The following APBB1 variants were observed in gnomAD, a reference collection of about 807,000 sequenced individuals.
APBB1 encodes adaptor protein FE65a2.
Under a neutral mutation model 78.4 loss-of-function variants are expected in APBB1, and 22 were observed. The ratio of observed to expected loss-of-function variants is 0.28; its 90% CI spans 0.20 to 0.40. APBB1 has a LOEUF of 0.40. APBB1 is among the 10% of genes least tolerant of loss of function. The pLI, the probability that APBB1 is intolerant of heterozygous loss-of-function variation, is 1.00. For missense variants in APBB1, 749 were observed against 932.4 expected (o/e 0.80, Z 2.56); for synonymous variants, 369 against 372.7 (o/e 0.99, Z 0.12).
At chr11:6,397,443 G>A (rs2134040893) in intron 12 of APBB1, among the ~76,000 whole-genome samples, 1 of 152,354 alleles carries the variant, frequency 6.6e-6, no homozygotes, top group East Asian at 1.9e-4. Flanking sequence ...GATGATTTGT[G>A]TAGCATTATT....
chr11:6,399,632 C>A (rs1238095845), intron 12 of APBB1, among the ~76,000 whole-genome samples: 1 of 152,208 alleles, frequency 6.6e-6, no homozygotes. Flanking sequence ...TCCACCTCCA[C>A]CCACTTAACA....
intron 12 of APBB1, among the ~76,000 whole-genome samples, chr11:6,399,081 C>G (rs1419777297): frequency 6.6e-6 from 1 of 152,200 alleles, no homozygotes; most frequent in Non-Finnish European, 1.5e-5. Context: ...TGTCACTATC[C>G]TTGGCAGTTT....
At chr11:6,408,756 G>A (rs1368551378) in intron 2 of APBB1, among the ~76,000 whole-genome samples, 2 of 151,958 alleles carry the variant, frequency 1.3e-5, no homozygotes, top group African/African-American at 4.8e-5. Context: ...CACCTGCCTC[G>A]GCCTCCCAAA....
At chr11:6,402,776 G>T in intron 6 of APBB1, 51 bp from the exon 7 acceptor site, 1 of 1,609,258 alleles carries the variant, frequency 6.2e-7, no homozygotes, top group Non-Finnish European at 8.5e-7. Flanking sequence ...GTCAAAACTG[G>T]AGAGTTCCTG....
chr11:6,410,824 G>A lies in APBB1; in HGVS notation c.524C>T (p.Ser175Phe). 6.2e-7 allele frequency: 1 copy of A among 1,613,836 alleles called. No homozygotes were observed. Among genetic ancestry groups the A allele is most frequent in the Admixed American group, 1.7e-5 (1 of 59,954 alleles). Residue 175 changes from serine to phenylalanine, a missense_variant, in exon 2 of 15, where the codon TCT becomes TTT. Physicochemically the swap from Ser to Phe is radical, Grantham distance 155. Around this residue, in one of 3 missense-constraint regions of APBB1, gnomAD observed 635 missense variants for 765.0 expected, o/e 0.83. Transcript: ENST00000609360. The part of the protein sequence containing the change: ...DDEEEEEDLS[S>F]PPGLPEPLES... ...CAGGGGCTCAGGCAGCCCTGGGGGAGAAGATAAGTCCTCCTCCTCCTCTTC... is the reference window on the plus strand; with the variant it reads ...CAGGGGCTCAGGCAGCCCTGGGGGAAAAGATAAGTCCTCCTCCTCCTCTTC...
Position 6,419,065 on chromosome 11 carries a change from C to T in APBB1, c.-95G>A, listed in dbSNP as rs1849194121. ...GGGCTCCGCCGCGGCTTCTCCATCA[C>T]AACATCCCCCGCCCAGGAGCGCGCG... is the stretch of plus-strand genomic sequence containing the variant. On this transcript the variant is annotated 5_prime_UTR_variant, in exon 1 of 15. In the 5' UTR this introduces an upstream ATG that the reference lacks. Coordinates refer to ENST00000609360, the MANE Select transcript of APBB1 (RefSeq NM_001164.5). The T allele has an allele frequency of 2.6e-6, 1 of 390,492 alleles. No individual in the cohort carries two copies. Among genetic ancestry groups the T allele is most frequent in the South Asian group, 1.3e-4 (1 of 7,808 alleles). 24.2% of individuals were successfully genotyped at this position (390,492 alleles called of 1,614,324 possible).
chr11:6,410,719 A>G lies in APBB1; in HGVS notation c.629T>C (p.Phe210Ser). 1 of 1,555,704 alleles carries G rather than the reference A, an allele frequency of 6.4e-7. No homozygotes were observed. Among genetic ancestry groups the G allele is most frequent in the Non-Finnish European group, 8.7e-7 (1 of 1,151,212 alleles). Residue 210 changes from phenylalanine (F) to serine (S), a missense_variant, in exon 2 of 15, where the codon TTT (phenylalanine) becomes TCT (serine). Coordinates refer to ENST00000609360, the MANE Select transcript of APBB1 (RefSeq NM_001164.5). ...REHSKSASLL[F>S]GMRNSAASDE... is the part of the protein sequence containing the mutation. ...ACTGGCTGCACTGTTCCGCATGCCA[A>G]ACAGGAGGCTGGCACTCTTGCTGTG...
chr11:6,414,496 C>T (rs1017941112), intron 1 of APBB1, among the ~76,000 whole-genome samples: 27 of 152,186 alleles, frequency 1.8e-4, no homozygotes, highest in East Asian at 3.9e-4. Flanking sequence ...AAGGAAAGGA[C>T]GGATGAACGG....
chr11:6,409,658 C>G lies in APBB1; in HGVS notation c.721+969G>C, dbSNP rs1158933557. Among the ~76,000 whole-genome samples the G allele has an allele frequency of 2.0e-5, 3 of 146,346 alleles. 1 individual carries two copies. The highest frequency in any genetic ancestry group is 5.6e-5 in the African/African-American group (2 of 35,844). ...GGGGTATGGGTATTGTGTCCGCCAC[C>G]TGGTAAGGATAGGGGTCTTTCCTAA... On this transcript the variant is annotated intron_variant, in intron 2 of 14. Transcript: ENST00000609360.
chr11:6,398,435 T>C (rs781086560), intron 12 of APBB1, among the ~76,000 whole-genome samples: 3 of 152,210 alleles, frequency 2.0e-5, no homozygotes, highest in Non-Finnish European at 2.9e-5. Context: ...TGAATGAATA[T>C]TGCAGCTTCT....
At chr11:6,405,087 T>A (rs1196786489) in intron 2 of APBB1, 1 of 1,366,878 alleles carries the variant, frequency 7.3e-7, no homozygotes, top group African/African-American at 1.5e-5. Flanking sequence ...TCGCCCTGGC[T>A]CCCCTCCCCC....
chr11:6,404,874 C>T, intron 2 of APBB1: 1 of 1,525,072 alleles, frequency 6.6e-7, no homozygotes. Flanking sequence ...GGCTCACAGC[C>T]TGGTGCTGGG....
chr11:6,398,886 G>A (rs529892409), intron 12 of APBB1, among the ~76,000 whole-genome samples: 9 of 152,320 alleles, frequency 5.9e-5, no homozygotes, highest in South Asian at 2.1e-4. Flanking sequence ...AAAGATGACC[G>A]GGGTTTGACT....
chr11:6,414,716 G>C lies in APBB1; in HGVS notation c.-14-3355C>G, dbSNP rs187086374. Among the ~76,000 whole-genome samples the C allele has an allele frequency of 2.4e-4, 37 of 152,288 alleles. 1 individual carries two copies. The Middle Eastern group carries it at 0.02, about 84-fold the overall frequency. ...TGAGATCTAGGAAAAGGGAGCGAGG[G>C]AGGTAGCTTAAACCAACATCTTGGC... On this transcript the variant is annotated intron_variant, in intron 1 of 14. Coordinates refer to ENST00000609360, the MANE Select transcript of APBB1 (RefSeq NM_001164.5).
chr11:6,406,969 G>T (rs2134092089), intron 2 of APBB1, among the ~76,000 whole-genome samples: 1 of 152,280 alleles, frequency 6.6e-6, no homozygotes, highest in East Asian at 1.9e-4. Flanking sequence ...TTACGATAAG[G>T]CCTGGAGCAG....
chr11:6,411,458 C>G lies in APBB1; in HGVS notation c.-14-97G>C. 9.0e-7 allele frequency: 1 copy of G among 1,113,200 alleles called. No individual in the cohort carries two copies. The highest frequency in any genetic ancestry group is 2.4e-5 in the East Asian group (1 of 41,030). The allele number at this position is 1,113,200 out of a possible 1,614,324, so 69.0% of individuals were successfully genotyped here. A position where few individuals can be genotyped will look rare whatever the true frequency, so the allele number is the denominator to read the frequency against. On this transcript the variant is annotated intron_variant, in intron 1 of 14. Transcript: ENST00000609360. This position sits in a 1 kb window ranked among gnomAD's most constrained non-coding sequence, Gnocchi z 5.2. ...GGCTATGCCCTGTGCCTCCTCATCT[C>G]CCTGCACTAAGCAGGCTAGCACCCA...
chr11:6,403,790 C>G lies in APBB1; in HGVS notation c.754G>C (p.Asp252His). ...SFWNPNAFETDSDLPAGWMRV... is the reference protein window; with the variant it reads ...SFWNPNAFETHSDLPAGWMRV... ...ATCCATCCAGCCGGCAGGTCGGAAT[C>G]CGTCTCGAAGGCGTTGGGGTTCCAG... Residue 252 changes from aspartate (D) to histidine (H), a missense_variant, in exon 3 of 15, where the codon GAT (aspartate) becomes CAT (histidine). Transcript: ENST00000609360. This position sits in a 1 kb window ranked among gnomAD's most constrained non-coding sequence, Gnocchi z 5.3. The G allele has an allele frequency of 6.3e-7, 1 of 1,575,512 alleles. No homozygotes were observed. The highest frequency in any genetic ancestry group is 8.6e-7 in the Non-Finnish European group (1 of 1,158,864).
intron 12 of APBB1, among the ~76,000 whole-genome samples, chr11:6,397,141 G>A (rs1848274180): frequency 6.6e-6 from 1 of 152,240 alleles, no homozygotes; most frequent in Admixed American, 6.5e-5. Flanking sequence ...TACGCTGGCT[G>A]TGTGATCTAC....
chr11:6,417,706 T>C (rs1849156247), intron 1 of APBB1, among the ~76,000 whole-genome samples: 1 of 152,206 alleles, frequency 6.6e-6, no homozygotes. Context: ...GCGAAATGAA[T>C]GGATTTGAGA....
Sources: allele counts gnomAD v4.1 joint callset (sites outside exome capture counted in the v4.1 genomes callset), GRCh38; gene constraint gnomAD v4.1.1; regional missense constraint gnomAD v4.1.1; non-coding constraint Gnocchi (gnomAD v3.1); transcripts MANE v1.5; gene names NCBI Gene and HGNC (gene_info 2026-07-23, HGNC 2026-07-21).